LRRC7: variants seen among roughly 807,000 people sequenced by gnomAD.
LRRC7 encodes leucine rich repeat containing 7.
A neutral mutation model predicts 175.7 loss-of-function variants in LRRC7; 23 were observed. The observed-to-expected ratio is 0.13, with a 90% CI of 0.09 to 0.19. LRRC7 has a LOEUF of 0.19. Among genes scored for constraint, LRRC7 ranks in the 10% least tolerant of loss-of-function variants. LRRC7 has a pLI of 1.00. For synonymous variants in LRRC7, 685 were observed against 680.9 expected (o/e 1.01, Z -0.09); for missense variants, 1,354 against 1,904.7 (o/e 0.71, Z 5.38).
chr1:69,856,340 G>C (rs957013893), intron 7 of LRRC7, among the ~76,000 whole-genome samples: 15 of 151,966 alleles, frequency 9.9e-5, no homozygotes, highest in Non-Finnish European at 1.9e-4. Flanking sequence ...TTTTTGAAAA[G>C]ATCAACAAAA....
Position 70,140,325 on chromosome 1 carries a change from CTCCT to C in LRRC7, c.*18442_*18445del, listed in dbSNP as rs1377318924. 3 of 152,164 alleles carry C rather than the reference CTCCT, an allele frequency of 2.0e-5. No homozygotes were observed. Among genetic ancestry groups the C allele is most frequent in the African/African-American group, 7.2e-5 (3 of 41,450 alleles). The allele number at this position is 152,164 out of a possible 1,614,324, so 9.4% of individuals were successfully genotyped here. ...CAAACTACAGCACGCTTACTACTTT[CTCCT>C]TCCATTTTCCACACCTCAGCCCCCT... is the stretch of plus-strand genomic sequence containing the variant. On this transcript the variant is annotated 3_prime_UTR_variant, in exon 27 of 27. Coordinates refer to ENST00000651989, the MANE Select transcript of LRRC7 (RefSeq NM_001370785.2).
rs1666305799 is a variant in LRRC7, at chr1:70,123,463, A to G, written c.*1576A>G. 1 of 152,192 alleles carries G rather than the reference A, an allele frequency of 6.6e-6. No homozygotes were observed. The highest frequency in any genetic ancestry group is 6.5e-5 in the Admixed American group (1 of 15,274). The allele number at this position is 152,192 out of a possible 1,614,324, so 9.4% of individuals were successfully genotyped here. On this transcript the variant is annotated 3_prime_UTR_variant, in exon 27 of 27. Transcript: ENST00000651989. Reference sequence around the variant, plus strand: ...AAAATATTGTATTTTTGTAGGGTCTATTAAAATGAGTGTCACTTATTAGAA... The same window carrying G: ...AAAATATTGTATTTTTGTAGGGTCTGTTAAAATGAGTGTCACTTATTAGAA...
intron 2 of LRRC7, among the ~76,000 whole-genome samples, chr1:69,754,173 G>A (rs1027196096): frequency 3.3e-5 from 5 of 152,000 alleles, no homozygotes; most frequent in African/African-American, 9.7e-5. Context: ...TTACTTTGAG[G>A]ACAGAGAGGA....
Position 70,131,765 on chromosome 1 carries a change from C to T in LRRC7, c.*9878C>T, listed in dbSNP as rs748210574. Among the ~76,000 whole-genome samples the T allele has an allele frequency of 5.3e-5, 8 of 152,032 alleles. No homozygotes were observed. The highest frequency in any genetic ancestry group is 1.2e-4 in the Non-Finnish European group (8 of 68,028). On this transcript the variant is annotated 3_prime_UTR_variant, in exon 27 of 27. Coordinates refer to ENST00000651989, the MANE Select transcript of LRRC7 (RefSeq NM_001370785.2). ...GGCCTACTCTTTGGTATCTTATAGCCCAGTGTCTATACATTTACATGGGTA... is the reference window on the plus strand; with the variant it reads ...GGCCTACTCTTTGGTATCTTATAGCTCAGTGTCTATACATTTACATGGGTA...
At chr1:69,600,365 C>T (rs1647004914) in intron 1 of LRRC7, among the ~76,000 whole-genome samples, 1 of 152,138 alleles carries the variant, frequency 6.6e-6, no homozygotes, top group African/African-American at 2.4e-5. Context: ...CCATAGGCTC[C>T]TCTTGGCTCT....
intron 1 of LRRC7, among the ~76,000 whole-genome samples, chr1:69,592,371 AC>A (rs1226181841): frequency 1.3e-5 from 2 of 152,142 alleles, no homozygotes; most frequent in African/African-American, 4.8e-5. Flanking sequence ...TGTAATTCAG[AC>A]AAACAAAACA....
intron 17 of LRRC7, among the ~76,000 whole-genome samples, chr1:70,026,039 C>T (rs576235256): frequency 1.3e-5 from 2 of 151,966 alleles, no homozygotes; most frequent in Non-Finnish European, 2.9e-5. Context: ...TATAAAATAA[C>T]CAGAAAATAT....
chr1:69,838,316 T>TA, intron 7 of LRRC7, 33 bp downstream of exon 7: 1 of 1,535,060 alleles, frequency 6.5e-7, no homozygotes, highest in Non-Finnish European at 9.0e-7. Flanking sequence ...AATTTTGAAC[T>TA]GTGATTTTTT....
chr1:70,136,142 C>T lies in LRRC7; in HGVS notation c.*14255C>T, dbSNP rs1001404122. On this transcript the variant is annotated 3_prime_UTR_variant, in exon 27 of 27. Transcript: ENST00000651989. ...AATTTTTTTTTTTTTTGCATTTCCACGTTTCCCAAAAAATGATAGTTACTA... is the reference window on the plus strand; with the variant it reads ...AATTTTTTTTTTTTTTGCATTTCCATGTTTCCCAAAAAATGATAGTTACTA... Among the ~76,000 whole-genome samples the T allele has an allele frequency of 9.4e-5, 14 of 149,400 alleles. No homozygotes were observed. Among genetic ancestry groups the T allele is most frequent in the East Asian group, 2.0e-4 (1 of 5,106 alleles).
intron 7 of LRRC7, among the ~76,000 whole-genome samples, chr1:69,872,745 A>C (rs1685677622): frequency 6.6e-6 from 1 of 152,174 alleles, no homozygotes; most frequent in Admixed American, 6.6e-5. Flanking sequence ...AAATGGGAAG[A>C]ATAATTATTT....
intron 3 of LRRC7, among the ~76,000 whole-genome samples, chr1:69,762,523 A>G (rs886783162): frequency 1.3e-5 from 2 of 152,006 alleles, no homozygotes; most frequent in Non-Finnish European, 2.9e-5. Flanking sequence ...AGATGCATCA[A>G]GAGTTGAAGG....
rs1661303105 is a variant in LRRC7 at position 70,058,253 on chromosome 1, G to A, written c.4230+5108G>A. On this transcript the variant is annotated intron_variant, in intron 23 of 26. Coordinates refer to ENST00000651989, the MANE Select transcript of LRRC7 (RefSeq NM_001370785.2). ...TGAAACTCCTGACCTCAAGTGATCT[G>A]CCCACCTCAGCTTCCCAAAGTGCTG... 2.6e-5 allele frequency among the ~76,000 whole-genome samples: 4 copies of A among 152,066 alleles called. No individual in the cohort carries two copies. The South Asian group carries it at 8.3e-4, about 32-fold the overall frequency.
chr1:69,716,293 A>T, intron 2 of LRRC7: 1 of 415,120 alleles, frequency 2.4e-6, no homozygotes, highest in East Asian at 3.6e-5. Context: ...CACTATAATT[A>T]CCAAATAGTC....
intron 2 of LRRC7, among the ~76,000 whole-genome samples, chr1:69,708,092 A>C (rs536873929): frequency 1.3e-5 from 2 of 152,322 alleles, no homozygotes; most frequent in African/African-American, 4.8e-5. Context: ...TGGCATTCTT[A>C]GAAGTACCAA....
chr1:69,823,204 ATTCTTG>A (rs1348300178), intron 4 of LRRC7, among the ~76,000 whole-genome samples: 1 of 152,160 alleles, frequency 6.6e-6, no homozygotes, highest in African/African-American at 2.4e-5. Flanking sequence ...TTACTGAAAT[ATTCTTG>A]AATTGTTCCT....
intron 3 of LRRC7, 108 bp from the exon 4 acceptor site, chr1:69,791,935 G>T (rs1675170588): frequency 3.0e-6 from 2 of 660,318 alleles, no homozygotes; most frequent in Non-Finnish European, 5.3e-6. Context: ...TTTATAACTG[G>T]CTCTTTTACT....
At position 70,053,027 on chromosome 1, in the gene LRRC7, C is replaced by A. The variant is rs984984641; in HGVS notation, c.4112C>A (p.Thr1371Asn). 1.3e-5 allele frequency: 21 copies of A among 1,593,210 alleles called. No homozygotes were observed. The highest frequency in any genetic ancestry group is 1.7e-5 in the Non-Finnish European group (20 of 1,170,418). ...FDHQELPLQK[T>N]PSQQSNILDN... Reference sequence around the variant, plus strand: ...AATGCCATACCATTTTTGCAATAGACCCCGTCCCAGCAAAGCAACATTTTA... The same window carrying A: ...AATGCCATACCATTTTTGCAATAGAACCCGTCCCAGCAAAGCAACATTTTA... Residue 1371 changes from threonine (T) to asparagine (N), a missense_variant and splice_region_variant, in exon 23 of 27, where the codon ACC becomes AAC. Physicochemically the swap from Thr to Asn is moderately conservative, Grantham distance 65. Coordinates refer to ENST00000651989, the MANE Select transcript of LRRC7 (RefSeq NM_001370785.2).
rs1181114395 is a variant in LRRC7 at position 70,065,056 on chromosome 1, C to T, written c.4231-11021C>T. Among the ~76,000 whole-genome samples, 5 of 151,832 alleles carry T rather than the reference C, an allele frequency of 3.3e-5. No homozygotes were observed. The South Asian group carries it at 8.3e-4, about 25-fold the overall frequency. ...TCTTGGTTGATGCTGTCACCGTTTT[C>T]CACAAAATAACCTGAGTCCTGTCAC... On this transcript the variant is annotated intron_variant, in intron 23 of 26. Coordinates refer to ENST00000651989, the MANE Select transcript of LRRC7 (RefSeq NM_001370785.2).
At chr1:70,091,095 T>A (rs533391675) in intron 25 of LRRC7, among the ~76,000 whole-genome samples, 178 of 152,266 alleles carry the variant, frequency 1.2e-3, no homozygotes, top group Non-Finnish European at 1.7e-3. Flanking sequence ...GCTACTCATA[T>A]AAAAGGAATG....
Sources: gnomAD v4.1 joint callset for allele counts (sites outside exome capture counted in the v4.1 genomes callset) on GRCh38, gnomAD v4.1.1 for gene constraint, MANE v1.5 for transcripts, NCBI Gene and HGNC (gene_info 2026-07-23, HGNC 2026-07-21) for gene names.